The following GNA12 variants were observed in gnomAD, a reference collection of about 807,000 sequenced individuals.
The protein encoded by GNA12 is guanine nucleotide-binding protein subunit alpha-12.
A neutral mutation model predicts 26.0 loss-of-function variants in GNA12; 9 were observed. That is an observed-to-expected ratio of 0.35 (90% CI 0.21 to 0.60). The LOEUF (loss-of-function observed/expected upper bound fraction) is 0.60. Among genes scored for constraint, GNA12 ranks in the 20% least tolerant of loss-of-function variants. The pLI is 0.78. For synonymous variants in GNA12, 264 were observed against 219.6 expected (o/e 1.20, Z -1.79); for missense variants, 405 against 525.8 (o/e 0.77, Z 2.25).
In GNA12 at chr7:2,843,997, C is replaced by A. The variant is rs755144160; in HGVS notation, c.165G>T (p.Arg55=). 2.0e-5 allele frequency: 31 copies of A among 1,549,866 alleles called. No individual in the cohort carries two copies. In the African/African-American group the frequency reaches 3.7e-4, roughly 18 times the overall value. The stretch of plus-strand genomic sequence containing the variant: ...CCAGCAGCAGGATCTTCACCAGGCG[C>A]CGGACCGCGCGCCGCTCGCGGGCCA... The part of the protein sequence containing the change: ...ALLARERRAV[R]RLVKILLLGA... Residue 55 remains arginine (R), a synonymous_variant, in exon 1 of 4, where the codon CGG becomes CGT. Transcript: ENST00000275364.
intron 2 of GNA12, among the ~76,000 whole-genome samples, chr7:2,773,608 C>T (rs1227766576): frequency 1.3e-5 from 2 of 152,112 alleles, no homozygotes; most frequent in Non-Finnish European, 2.9e-5. Flanking sequence ...CTCTACACGG[C>T]CACCAGAATG....
At chr7:2,817,356 C>T (rs990438966) in intron 1 of GNA12, among the ~76,000 whole-genome samples, 11 of 152,068 alleles carry the variant, frequency 7.2e-5, no homozygotes, top group African/African-American at 2.2e-4. Context: ...TTCCTCCCAC[C>T]CCTGCCTCGG....
At chr7:2,823,698 TA>T (rs34502776) in intron 1 of GNA12, among the ~76,000 whole-genome samples, 12,423 of 148,990 alleles carry the variant, frequency 0.083, 554 homozygotes, top group African/African-American at 0.094. Flanking sequence ...CTAGGCAAGC[TA>T]AAAAAAAAAT....
At chr7:2,734,451 C>T (rs960371223) in intron 2 of GNA12, among the ~76,000 whole-genome samples, 12 of 152,218 alleles carry the variant, frequency 7.9e-5, no homozygotes, top group Admixed American at 2.6e-4. Context: ...TCTGTGTTCT[C>T]ATGGAAATGT....
chr7:2,798,312 A>C (rs544797164), intron 1 of GNA12, among the ~76,000 whole-genome samples: 17 of 149,306 alleles, frequency 1.1e-4, no homozygotes, highest in Non-Finnish European at 2.4e-4. Context: ...AAACTCCTAG[A>C]ATAAACAAAT....
intron 2 of GNA12, among the ~76,000 whole-genome samples, chr7:2,769,701 C>A (rs374547160): frequency 1.3e-5 from 2 of 152,090 alleles, no homozygotes; most frequent in South Asian, 4.1e-4. Flanking sequence ...CCACCGCACT[C>A]CAGCCTGGGT....
chr7:2,820,482 G>C (rs1329328348), intron 1 of GNA12, among the ~76,000 whole-genome samples: 1 of 150,838 alleles, frequency 6.6e-6, no homozygotes, highest in Non-Finnish European at 1.5e-5. Context: ...GCTGAGGTGA[G>C]AGGATCGCTT....
At chr7:2,785,458 A>G (rs1792333907) in intron 2 of GNA12, among the ~76,000 whole-genome samples, 1 of 152,246 alleles carries the variant, frequency 6.6e-6, no homozygotes, top group South Asian at 2.1e-4. Flanking sequence ...AAGTTAATTT[A>G]GCGTGAAAGG....
At chr7:2,755,369 T>C (rs1298859646) in intron 2 of GNA12, among the ~76,000 whole-genome samples, 1 of 152,252 alleles carries the variant, frequency 6.6e-6, no homozygotes, top group Non-Finnish European at 1.5e-5. Context: ...TTGACAGCAC[T>C]GAGTTTTCCA....
intron 2 of GNA12, among the ~76,000 whole-genome samples, chr7:2,755,547 G>C (rs1194068935): frequency 6.6e-6 from 1 of 152,118 alleles, no homozygotes; most frequent in African/African-American, 2.4e-5. Flanking sequence ...GTGTCTATTG[G>C]TCATTGTTAG....
chr7:2,838,547 G>A (rs536159147), intron 1 of GNA12, among the ~76,000 whole-genome samples: 3 of 152,294 alleles, frequency 2.0e-5, no homozygotes, highest in African/African-American at 7.2e-5. Flanking sequence ...TCGTGCCACT[G>A]CGCTTCAGCC....
intron 1 of GNA12, among the ~76,000 whole-genome samples, chr7:2,813,201 T>C (rs2251491): frequency 0.42 from 64,452 of 152,176 alleles, 13,922 homozygotes; most frequent in Admixed American, 0.48. Context: ...AAGGTAATTG[T>C]TTCCCCTTCT....
At chr7:2,757,951 T>C (rs1791382304) in intron 2 of GNA12, among the ~76,000 whole-genome samples, 1 of 152,214 alleles carries the variant, frequency 6.6e-6, no homozygotes, top group Non-Finnish European at 1.5e-5. Flanking sequence ...TAATAAGGAA[T>C]GATTCTTCCC....
At position 2,731,226 on chromosome 7, in the gene GNA12, T is replaced by C. The variant is rs1442153597; in HGVS notation, c.1101A>G (p.Lys367=). The change falls in exon 4 of 4, where the codon AAA becomes AAG. Residue 367 remains lysine (K), a synonymous_variant. Coordinates refer to ENST00000275364, the MANE Select transcript of GNA12 (RefSeq NM_007353.3). The surrounding 1 kb of genome is among the most constrained non-coding windows in gnomAD (Gnocchi z 6.0). ...TCAGGTTCTCCTGCAGGATGGTGTC[T>C]TTCACAGCATGGAACACGAAGCGGA... ...ENVRFVFHAV[K]DTILQENLKD... 6.2e-7 allele frequency: 1 copy of C among 1,613,220 alleles called. No individual in the cohort carries two copies.
At chr7:2,795,672 G>A (rs1008890743) in intron 1 of GNA12, among the ~76,000 whole-genome samples, 1 of 151,184 alleles carries the variant, frequency 6.6e-6, no homozygotes, top group Middle Eastern at 3.2e-3. Context: ...GAAAACAGAT[G>A]TACATAAGCA....
At chr7:2,758,995 C>T (rs1002075760) in intron 2 of GNA12, among the ~76,000 whole-genome samples, 16 of 151,812 alleles carry the variant, frequency 1.1e-4, no homozygotes, top group African/African-American at 2.4e-4. Flanking sequence ...CAAAAACTAG[C>T]GGGGCGTGGT....
intron 2 of GNA12, among the ~76,000 whole-genome samples, chr7:2,743,040 G>A (rs1469836659): frequency 6.6e-6 from 1 of 152,186 alleles, no homozygotes; most frequent in East Asian, 1.9e-4. Flanking sequence ...TTTTTGGCCA[G>A]GAGAACAAGA....
chr7:2,754,448 C>G lies in GNA12; in HGVS notation c.526-20947G>C, dbSNP rs1304367268. 2.0e-5 allele frequency among the ~76,000 whole-genome samples: 3 copies of G among 152,178 alleles called. No individual in the cohort carries two copies. The East Asian group carries it at 5.8e-4, about 29-fold the overall frequency. On this transcript the variant is annotated intron_variant, in intron 2 of 3. Coordinates refer to ENST00000275364, the MANE Select transcript of GNA12 (RefSeq NM_007353.3). ...TGTAGCTTGTCTTTTCATCCTCTTA[C>G]TAAGAGGATCTGGGCAGGGCACGGT...
At chr7:2,842,627 C>T (rs1188881450) in intron 1 of GNA12, among the ~76,000 whole-genome samples, 6 of 152,002 alleles carry the variant, frequency 3.9e-5, no homozygotes, top group Non-Finnish European at 8.8e-5. Context: ...ACAAATATGG[C>T]GAAGAGAAAA....
Sources: gnomAD v4.1 joint callset for allele counts (sites outside exome capture counted in the v4.1 genomes callset) on GRCh38, gnomAD v4.1.1 for gene constraint, Gnocchi (gnomAD v3.1) non-coding constraint, MANE v1.5 for transcripts, NCBI Gene and HGNC (gene_info 2026-07-23, HGNC 2026-07-21) for gene names.